Variants in ADAMTS12 observed in about 807,000 individuals in gnomAD.
ADAMTS12 encodes ADAM metallopeptidase with thrombospondin type 1 motif 12.
Under a neutral mutation model 167.8 loss-of-function variants are expected in ADAMTS12, and 118 were observed. That is an observed-to-expected ratio of 0.70 (90% CI 0.61 to 0.82). ADAMTS12 has a LOEUF of 0.82. Ranked by LOEUF, ADAMTS12 falls within the 40% of genes least tolerant of loss-of-function variation. The probability of loss-of-function intolerance (pLI) is 0.00; values close to 1 mark genes in which losing one functional copy is unlikely to be tolerated. For synonymous variants in ADAMTS12, 704 were observed against 716.9 expected (o/e 0.98, Z 0.29); for missense variants, 1,916 against 1,998.8 (o/e 0.96, Z 0.79).
chr5:33,605,072 T>G (rs1000930926), intron 16 of ADAMTS12, among the ~76,000 whole-genome samples: 13 of 152,238 alleles, frequency 8.5e-5, no homozygotes, highest in African/African-American at 3.1e-4. Context: ...GACCTGTTTC[T>G]TGTTATATGT....
intron 23 of ADAMTS12, among the ~76,000 whole-genome samples, chr5:33,534,409 C>T (rs1046689626): frequency 6.6e-6 from 1 of 152,136 alleles, no homozygotes; most frequent in African/African-American, 2.4e-5. Flanking sequence ...CACCCCAGAG[C>T]CTGCTTCTGG....
chr5:33,578,703 T>C (rs567134627), intron 18 of ADAMTS12, among the ~76,000 whole-genome samples: 3 of 152,362 alleles, frequency 2.0e-5, no homozygotes, highest in Admixed American at 1.3e-4. Context: ...GAACATAATA[T>C]TGACATAGAA....
At chr5:33,563,222 A>T (rs1442952949) in intron 19 of ADAMTS12, among the ~76,000 whole-genome samples, 1 of 152,178 alleles carries the variant, frequency 6.6e-6, no homozygotes. Flanking sequence ...CTATAGATTG[A>T]TAGCACTAAT....
intron 2 of ADAMTS12, among the ~76,000 whole-genome samples, chr5:33,816,689 G>A (rs1283682147): frequency 2.0e-5 from 3 of 152,156 alleles, no homozygotes; most frequent in Non-Finnish European, 4.4e-5. Context: ...GAAAGCCAAT[G>A]AGAATGAAAA....
At chr5:33,668,214 GAA>G (rs1194976781) in intron 5 of ADAMTS12, among the ~76,000 whole-genome samples, 1 of 152,052 alleles carries the variant, frequency 6.6e-6, no homozygotes, top group Admixed American at 6.5e-5. Flanking sequence ...CCTACAATTG[GAA>G]AAAAATCATC....
At chr5:33,591,736 A>G (rs1393169858) in intron 17 of ADAMTS12, among the ~76,000 whole-genome samples, 1 of 152,166 alleles carries the variant, frequency 6.6e-6, no homozygotes, top group East Asian at 1.9e-4. Context: ...GAAGGTCTCA[A>G]TCAGCAGAGA....
chr5:33,833,663 T>C (rs1228588153), intron 2 of ADAMTS12, among the ~76,000 whole-genome samples: 2 of 152,156 alleles, frequency 1.3e-5, no homozygotes, highest in Non-Finnish European at 2.9e-5. Context: ...TTCTCTACAA[T>C]GCTCTACACC....
chr5:33,693,751 C>T (rs1178768885), intron 3 of ADAMTS12, among the ~76,000 whole-genome samples: 5 of 152,120 alleles, frequency 3.3e-5, no homozygotes, highest in African/African-American at 1.2e-4. Flanking sequence ...CCCTTGAGAA[C>T]CAGAAGAAGA....
intron 12 of ADAMTS12, among the ~76,000 whole-genome samples, chr5:33,635,519 A>G (rs1465515324): frequency 6.6e-6 from 1 of 152,190 alleles, no homozygotes; most frequent in Non-Finnish European, 1.5e-5. Context: ...AAATTGGGTC[A>G]AAAACAGCTC....
chr5:33,688,266 T>C (rs1742416432), intron 3 of ADAMTS12, among the ~76,000 whole-genome samples: 3 of 152,162 alleles, frequency 2.0e-5, no homozygotes. Context: ...TTCTCCCCAC[T>C]GAGACCATGA....
chr5:33,589,097 G>A (rs548112907), intron 17 of ADAMTS12, among the ~76,000 whole-genome samples: 1 of 152,182 alleles, frequency 6.6e-6, no homozygotes, highest in Non-Finnish European at 1.5e-5. Context: ...TGAGGTCCAG[G>A]GTTCTGCTGT....
chr5:33,873,165 T>TAAAAAAAAAAAAAAAAAAAAAAAAAAAA (rs1193116018), intron 2 of ADAMTS12, among the ~76,000 whole-genome samples: 1 of 146,168 alleles, frequency 6.8e-6, no homozygotes, highest in African/African-American at 2.5e-5. Context: ...CTATGTAGAT[T>TAAAAAAAAAAAAAAAAAAAAAAAAAAAA]TAAAAAAAAA....
At chr5:33,663,409 G>T (rs1741337299) in intron 5 of ADAMTS12, among the ~76,000 whole-genome samples, 1 of 151,822 alleles carries the variant, frequency 6.6e-6, no homozygotes, top group South Asian at 2.1e-4. Context: ...CAGGAATAAA[G>T]GGAAGGGATA....
intron 3 of ADAMTS12, among the ~76,000 whole-genome samples, chr5:33,687,386 T>G (rs925753620): frequency 5.9e-5 from 9 of 152,212 alleles, no homozygotes; most frequent in African/African-American, 2.2e-4. Context: ...TCAAAAAGAT[T>G]AGGTAATTTT....
At chr5:33,620,379 T>C (rs1031318556) in intron 14 of ADAMTS12, among the ~76,000 whole-genome samples, 1 of 152,254 alleles carries the variant, frequency 6.6e-6, no homozygotes, top group African/African-American at 2.4e-5. Flanking sequence ...TATTCAAGAA[T>C]TGCAGGAGAT....
chr5:33,744,177 A>G (rs983195252), intron 3 of ADAMTS12, among the ~76,000 whole-genome samples: 5 of 152,234 alleles, frequency 3.3e-5, no homozygotes, highest in African/African-American at 1.2e-4. Flanking sequence ...GTCTAGGGAA[A>G]GACATAGGCA....
intron 17 of ADAMTS12, among the ~76,000 whole-genome samples, chr5:33,590,873 T>G (rs1032509426): frequency 1.3e-5 from 2 of 151,046 alleles, no homozygotes; most frequent in Admixed American, 6.6e-5. Context: ...CTCACAAGAT[T>G]AAAGTGAAAA....
At chr5:33,761,882 C>G (rs1187602815) in intron 2 of ADAMTS12, among the ~76,000 whole-genome samples, 1 of 152,166 alleles carries the variant, frequency 6.6e-6, no homozygotes, top group Admixed American at 6.5e-5. Flanking sequence ...CTGAGAAAGT[C>G]TGAAATAATC....
intron 3 of ADAMTS12, among the ~76,000 whole-genome samples, chr5:33,746,226 T>G (rs1744782056): frequency 6.6e-6 from 1 of 152,216 alleles, no homozygotes; most frequent in Admixed American, 6.5e-5. Flanking sequence ...TACCATCTAC[T>G]GAGTACATGT....
Sources: gnomAD v4.1 joint callset for allele counts (sites outside exome capture counted in the v4.1 genomes callset) on GRCh38, gnomAD v4.1.1 for gene constraint, MANE v1.5 for transcripts, NCBI Gene and HGNC (gene_info 2026-07-23, HGNC 2026-07-21) for gene names.